Variants in PPM1L observed in about 807,000 individuals in gnomAD.
PPM1L encodes the protein protein phosphatase, Mg2+/Mn2+ dependent 1L, also known as protein phosphatase 1L.
PPM1L carries 13 observed loss-of-function variants against 31.4 expected under a neutral mutation model. The observed-to-expected ratio is 0.41, with a 90% confidence interval of 0.27 to 0.66. The LOEUF (loss-of-function observed/expected upper bound fraction) is 0.66, where lower values mean the gene tolerates loss of function less well. PPM1L is among the 30% of genes least tolerant of loss of function. The pLI, the probability that PPM1L is intolerant of heterozygous loss-of-function variation, is 0.29. For missense variants in PPM1L, 326 were observed against 453.7 expected, an observed-to-expected ratio of 0.72 and a Z score of 2.56; for synonymous variants, 184 against 175.4, an observed-to-expected ratio of 1.05 and a Z score of -0.39.
At chr3:160,882,743 A>G (rs141992865) in intron 1 of PPM1L, among the ~76,000 whole-genome samples, 57 of 152,326 alleles carry the variant, frequency 3.7e-4, no homozygotes, top group Non-Finnish European at 2.5e-4. Context: ...CGTTGTTCCC[A>G]GGTCACCCAG....
At chr3:160,988,024 G>A (rs942361069) in intron 2 of PPM1L, among the ~76,000 whole-genome samples, 16 of 152,108 alleles carry the variant, frequency 1.1e-4, no homozygotes, top group African/African-American at 2.2e-4. Flanking sequence ...AAGAGTTAAC[G>A]ATTGAGAAGG....
chr3:160,783,218 T>C (rs1711798173), intron 1 of PPM1L, among the ~76,000 whole-genome samples: 3 of 152,178 alleles, frequency 2.0e-5, no homozygotes, highest in Admixed American at 6.5e-5. Context: ...TTCATCATGA[T>C]GATGCTACAT....
At chr3:161,044,901 G>C (rs1336671278) in intron 2 of PPM1L, among the ~76,000 whole-genome samples, 1 of 152,248 alleles carries the variant, frequency 6.6e-6, no homozygotes, top group Non-Finnish European at 1.5e-5. Flanking sequence ...GACACACATA[G>C]GCTCAAAATA....
chr3:161,022,924 A>G (rs1363720194), intron 2 of PPM1L, among the ~76,000 whole-genome samples: 1 of 152,094 alleles, frequency 6.6e-6, no homozygotes, highest in African/African-American at 2.4e-5. Flanking sequence ...TTGGCCTCCC[A>G]AAGTGCTGGG....
intron 1 of PPM1L, among the ~76,000 whole-genome samples, chr3:160,757,184 G>A (rs1031867506): frequency 6.6e-6 from 1 of 152,222 alleles, no homozygotes; most frequent in African/African-American, 2.4e-5. Context: ...CATTGAGGGT[G>A]AAGGAAGCTG....
At chr3:161,063,359 G>C (rs12496836) in intron 2 of PPM1L, among the ~76,000 whole-genome samples, 1 of 152,030 alleles carries the variant, frequency 6.6e-6, no homozygotes, top group Admixed American at 6.5e-5. Context: ...TTTTGTATTA[G>C]AAATCCTGTG....
At chr3:161,031,571 G>A (rs1227216991) in intron 2 of PPM1L, among the ~76,000 whole-genome samples, 1 of 146,010 alleles carries the variant, frequency 6.8e-6, no homozygotes, top group Non-Finnish European at 1.5e-5. Context: ...TGCGATCATA[G>A]CTCACTGCAG....
At chr3:160,786,776 G>T (rs183626908) in intron 1 of PPM1L, among the ~76,000 whole-genome samples, 16 of 152,060 alleles carry the variant, frequency 1.1e-4, no homozygotes, top group African/African-American at 3.9e-4. Flanking sequence ...AGGCCCTGGT[G>T]TCTATCGTTA....
chr3:160,961,944 C>A, intron 2 of PPM1L, 34 bp downstream of exon 2: 1 of 1,499,330 alleles, frequency 6.7e-7, no homozygotes. Context: ...ATTTTTTTTC[C>A]TTGCAAAAAA....
At chr3:160,904,788 G>T (rs1056056570) in intron 1 of PPM1L, among the ~76,000 whole-genome samples, 4 of 152,042 alleles carry the variant, frequency 2.6e-5, no homozygotes, top group Admixed American at 2.6e-4. Context: ...GAGAGAGGGA[G>T]AGAGAAAATG....
intron 2 of PPM1L, among the ~76,000 whole-genome samples, chr3:161,048,387 C>T (rs1033038949): frequency 2.6e-5 from 4 of 152,200 alleles, no homozygotes; most frequent in Non-Finnish European, 5.9e-5. Flanking sequence ...GCGATACCAT[C>T]TCATACCAGT....
At chr3:160,832,409 C>T (rs192421954) in intron 1 of PPM1L, among the ~76,000 whole-genome samples, 130 of 152,104 alleles carry the variant, frequency 8.5e-4, no homozygotes, top group African/African-American at 3.0e-3. Context: ...TGAGAGAGTG[C>T]TTGGTATACT....
chr3:161,041,463 C>CT (rs200047990), intron 2 of PPM1L, among the ~76,000 whole-genome samples: 2,003 of 152,244 alleles, frequency 0.013, 39 homozygotes, highest in African/African-American at 0.044. Context: ...GAGTTTGACT[C>CT]TTTTTTATTG....
At chr3:160,931,673 T>C (rs1714792104) in intron 1 of PPM1L, among the ~76,000 whole-genome samples, 1 of 152,218 alleles carries the variant, frequency 6.6e-6, no homozygotes, top group Non-Finnish European at 1.5e-5. Context: ...CTATTTGTCC[T>C]TGTTTTCAGT....
intron 1 of PPM1L, among the ~76,000 whole-genome samples, chr3:160,894,955 A>G (rs1713285278): frequency 6.6e-6 from 1 of 152,180 alleles, no homozygotes; most frequent in Non-Finnish European, 1.5e-5. Context: ...ACTGAGTTAT[A>G]TATCTTCCAC....
intron 2 of PPM1L, among the ~76,000 whole-genome samples, chr3:161,041,654 A>C (rs1718913200): frequency 6.6e-6 from 1 of 152,156 alleles, no homozygotes; most frequent in Non-Finnish European, 1.5e-5. Context: ...AGGCTGAGGC[A>C]GGAGAATGGT....
chr3:160,890,134 A>T (rs1417723358), intron 1 of PPM1L, among the ~76,000 whole-genome samples: 1 of 152,220 alleles, frequency 6.6e-6, no homozygotes, highest in Non-Finnish European at 1.5e-5. Context: ...TAGTATTGGA[A>T]GTTTTGGCCA....
intron 2 of PPM1L, among the ~76,000 whole-genome samples, chr3:160,977,140 C>A (rs1464247944): frequency 6.6e-6 from 1 of 152,048 alleles, no homozygotes; most frequent in Non-Finnish European, 1.5e-5. Context: ...TTTAAGTCAC[C>A]TTCTAGTGCC....
chr3:161,008,565 G>A (rs1717789246), intron 2 of PPM1L, among the ~76,000 whole-genome samples: 1 of 152,126 alleles, frequency 6.6e-6, no homozygotes, highest in Non-Finnish European at 1.5e-5. Context: ...GCCTTCAGAG[G>A]GCAAAGAAGT....
Sources: gnomAD v4.1 joint callset for allele counts (sites outside exome capture counted in the v4.1 genomes callset) on GRCh38, gnomAD v4.1.1 for gene constraint, MANE v1.5 for transcripts, NCBI Gene and HGNC (gene_info 2026-07-23, HGNC 2026-07-21) for gene names.